Variants in ZDHHC15 observed in about 807,000 individuals in gnomAD.
ZDHHC15 encodes zDHHC palmitoyltransferase 15.
A neutral mutation model predicts 31.7 loss-of-function variants in ZDHHC15; 19 were observed. The observed-to-expected ratio is 0.60, with a 90% CI of 0.42 to 0.88. ZDHHC15 has a LOEUF of 0.88. Among genes scored for constraint, ZDHHC15 ranks in the 40% least tolerant of loss-of-function variants. The pLI is 0.00. For synonymous variants in ZDHHC15, 103 were observed against 90.0 expected, an observed-to-expected ratio of 1.14 and a Z score of -0.82; for missense variants, 209 against 251.2, an observed-to-expected ratio of 0.83 and a Z score of 1.14.
intron 10 of ZDHHC15, among the ~76,000 whole-genome samples, chrX:75,404,255 A>G (rs1380465575): frequency 8.9e-6 from 1 of 112,201 alleles, no homozygotes; most frequent in Non-Finnish European, 1.9e-5. Context: ...TAAGTATAAA[A>G]CCCCAAACTA....
intron 10 of ZDHHC15, among the ~76,000 whole-genome samples, chrX:75,381,934 C>T (rs751553217): frequency 8.9e-6 from 1 of 111,855 alleles, no homozygotes; most frequent in South Asian, 3.8e-4. Context: ...TAACATCTAG[C>T]TTAAGTCTTG....
At chrX:75,385,205 T>A (rs749767411) in intron 10 of ZDHHC15, among the ~76,000 whole-genome samples, 32 of 111,883 alleles carry the variant, frequency 2.9e-4, no homozygotes, top group African/African-American at 1.0e-3. Context: ...ATTTTTGATG[T>A]GAAAGGCCTC....
Position 75,462,495 on chromosome X carries a change from C to G in ZDHHC15, c.259-11573G>C, listed in dbSNP as rs184248331. On this transcript the variant is annotated intron_variant, in intron 3 of 11. Transcript: ENST00000373367. ...ACACTCATCTCATTGCCACATGGCA[C>G]TTACTCTAAAATTGAGCATATAAAC... Among the ~76,000 whole-genome samples the G allele has an allele frequency of 4.4e-5, 5 of 112,443 alleles. No individual in the cohort carries two copies. The East Asian group carries it at 1.4e-3, about 32-fold the overall frequency.
At chrX:75,475,596 G>A (rs1230746544) in intron 3 of ZDHHC15, among the ~76,000 whole-genome samples, 1 of 111,909 alleles carries the variant, frequency 8.9e-6, no homozygotes, top group Admixed American at 9.5e-5. Flanking sequence ...CCTTATGCTA[G>A]TACCACATTG....
At chrX:75,425,092 C>G (rs1406034571) in intron 7 of ZDHHC15, among the ~76,000 whole-genome samples, 1 of 110,532 alleles carries the variant, frequency 9.0e-6, no homozygotes. Context: ...GGTATGCAAC[C>G]GCTTACAGCT....
chrX:75,460,434 G>A (rs887580223), intron 3 of ZDHHC15, among the ~76,000 whole-genome samples: 2 of 110,911 alleles, frequency 1.8e-5, no homozygotes, highest in African/African-American at 6.6e-5. Context: ...CTACCAAAAA[G>A]CAGCCAGACT....
chrX:75,470,719 G>A (rs1480727429), intron 3 of ZDHHC15, among the ~76,000 whole-genome samples: 1 of 111,129 alleles, frequency 9.0e-6, no homozygotes, highest in Non-Finnish European at 1.9e-5. Context: ...GTGGGTCCCC[G>A]GACTCATCTT....
At chrX:75,449,833 C>A (rs2084090345) in intron 4 of ZDHHC15, among the ~76,000 whole-genome samples, 1 of 111,972 alleles carries the variant, frequency 8.9e-6, no homozygotes, top group Non-Finnish European at 1.9e-5. Flanking sequence ...AACTTTTTAA[C>A]ATATTCCCCA....
chrX:75,460,017 A>G (rs1360848683), intron 3 of ZDHHC15, among the ~76,000 whole-genome samples: 2 of 112,224 alleles, frequency 1.8e-5, no homozygotes, highest in African/African-American at 6.5e-5. Flanking sequence ...CTGGGATTAC[A>G]GGCATGGGCC....
At chrX:75,494,522 A>C (rs918553502) in intron 2 of ZDHHC15, among the ~76,000 whole-genome samples, 8 of 111,861 alleles carry the variant, frequency 7.2e-5, no homozygotes, top group African/African-American at 2.6e-4. Flanking sequence ...ATGCTACCTG[A>C]CTTCAAACTA....
intron 2 of ZDHHC15, among the ~76,000 whole-genome samples, chrX:75,505,577 T>A (rs1419390092): frequency 9.0e-6 from 1 of 110,683 alleles, no homozygotes; most frequent in Non-Finnish European, 1.9e-5. Context: ...ACAGAGTGCT[T>A]AACTGTGTCC....
At chrX:75,511,430 T>C (rs1421881301) in intron 1 of ZDHHC15, among the ~76,000 whole-genome samples, 1 of 64,386 alleles carries the variant, frequency 1.6e-5, no homozygotes, top group African/African-American at 5.7e-5. Context: ...GGTTGTTTGT[T>C]TTTTTCTTGT....
At chrX:75,391,963 G>A (rs748693300) in intron 10 of ZDHHC15, among the ~76,000 whole-genome samples, 12 of 111,825 alleles carry the variant, frequency 1.1e-4, no homozygotes, top group Non-Finnish European at 2.1e-4. Flanking sequence ...AAAGCATGAG[G>A]ATGAAGTTCA....
intron 10 of ZDHHC15, among the ~76,000 whole-genome samples, chrX:75,414,426 C>CTTTTTT (rs1177332052): frequency 2.4e-4 from 16 of 66,195 alleles, no homozygotes; most frequent in Admixed American, 5.0e-4. Flanking sequence ...CATATTTTAT[C>CTTTTTT]TTTTTTTTTT....
intron 2 of ZDHHC15, among the ~76,000 whole-genome samples, chrX:75,499,516 A>T (rs1401651093): frequency 2.7e-5 from 3 of 112,157 alleles, no homozygotes; most frequent in Admixed American, 9.5e-5. Flanking sequence ...GCCAACAAAC[A>T]TGAAAAAATG....
chrX:75,444,687 T>TAC lies in ZDHHC15; in HGVS notation c.379+6113_379+6114dup, dbSNP rs1172357698. On this transcript the variant is annotated intron_variant, in intron 4 of 11. Coordinates refer to ENST00000373367, the MANE Select transcript of ZDHHC15 (RefSeq NM_144969.3). ...ATATATATATATATATATATATATA[T>TAC]ACACACACACACACACACACACACA... 1.5e-3 allele frequency among the ~76,000 whole-genome samples: 45 copies of TAC among 29,499 alleles called. 1 individual carries two copies. The highest frequency in any genetic ancestry group is 6.2e-3 in the African/African-American group (40 of 6,403). 25.6% of individuals were successfully genotyped at this position (29,499 alleles called of 115,157 possible).
chrX:75,520,483 C>G (rs1382298654), intron 1 of ZDHHC15, among the ~76,000 whole-genome samples: 1 of 111,021 alleles, frequency 9.0e-6, no homozygotes, highest in South Asian at 3.8e-4. Context: ...ACAGAGTAAG[C>G]AATACATAAG....
At chrX:75,505,563 TCAGA>T (rs2085145538) in intron 2 of ZDHHC15, among the ~76,000 whole-genome samples, 1 of 110,938 alleles carries the variant, frequency 9.0e-6, no homozygotes, top group Non-Finnish European at 1.9e-5. Context: ...GGTCACTATG[TCAGA>T]CAGAGTGCTT....
chrX:75,419,226 C>T (rs2083589481), intron 9 of ZDHHC15, among the ~76,000 whole-genome samples: 1 of 111,693 alleles, frequency 9.0e-6, no homozygotes, highest in South Asian at 3.8e-4. Context: ...TATCCAGAAT[C>T]TACAATGAAC....
Sources: allele counts gnomAD v4.1 joint callset (sites outside exome capture counted in the v4.1 genomes callset), GRCh38; gene constraint gnomAD v4.1.1; transcripts MANE v1.5; gene names NCBI Gene and HGNC (gene_info 2026-07-23, HGNC 2026-07-21).